SLC4A4: variants seen among roughly 807,000 people sequenced by gnomAD.
SLC4A4 encodes the protein solute carrier family 4 member 4.
A neutral mutation model predicts 111.5 loss-of-function variants in SLC4A4; 27 were observed. The observed-to-expected ratio is 0.24, with a 90% CI of 0.18 to 0.33. The LOEUF is 0.33. Ranked by LOEUF, SLC4A4 falls within the 10% of genes least tolerant of loss-of-function variation. The probability of loss-of-function intolerance (pLI) is 1.00; values close to 1 mark genes in which losing one functional copy is unlikely to be tolerated. For missense variants in SLC4A4, 909 were observed against 1,315.5 expected, an observed-to-expected ratio of 0.69 and a Z score of 4.78; for synonymous variants, 443 against 463.4, an observed-to-expected ratio of 0.96 and a Z score of 0.57.
chr4:71,361,341 T>C (rs1578919295), intron 6 of SLC4A4, among the ~76,000 whole-genome samples: 1 of 152,150 alleles, frequency 6.6e-6, no homozygotes. Context: ...TGGCTTGGGG[T>C]TCAAGACGAT....
At chr4:71,280,988 C>A (rs1202423805) in intron 3 of SLC4A4, among the ~76,000 whole-genome samples, 1 of 152,000 alleles carries the variant, frequency 6.6e-6, no homozygotes, top group Admixed American at 6.6e-5. Flanking sequence ...AGGAAGTGGT[C>A]ACTGCAAAGA....
At chr4:71,250,252 G>T (rs1437306391) in intron 2 of SLC4A4, among the ~76,000 whole-genome samples, 1 of 152,106 alleles carries the variant, frequency 6.6e-6, no homozygotes, top group Non-Finnish European at 1.5e-5. Context: ...GATAAGCCAG[G>T]GAAGGCAGTA....
intron 1 of SLC4A4, among the ~76,000 whole-genome samples, chr4:71,089,767 C>A (rs1358632501): frequency 6.6e-6 from 1 of 151,938 alleles, no homozygotes; most frequent in Non-Finnish European, 1.5e-5. Context: ...AATTTTGTCT[C>A]AGAGGAGTAC....
chr4:71,108,735 C>A (rs192016746), intron 2 of SLC4A4, among the ~76,000 whole-genome samples: 1 of 152,056 alleles, frequency 6.6e-6, no homozygotes, highest in African/African-American at 2.4e-5. Context: ...CTTCCAACCC[C>A]TTTCTCTCTC....
Position 71,103,307 on chromosome 4 carries a change from C to T in SLC4A4, c.-2+10515C>T, listed in dbSNP as rs1035174571. 1.9e-3 allele frequency among the ~76,000 whole-genome samples: 288 copies of T among 152,102 alleles called. 2 individuals carry two copies. Among genetic ancestry groups the T allele is most frequent in the African/African-American group, 6.4e-3 (266 of 41,486 alleles). ...TGACCTACAAAGAGACTTAGACTCC[C>T]GCACATTAATAATGGGAGACTTTAA... On this transcript the variant is annotated intron_variant, in intron 2 of 26. Coordinates refer to the SLC4A4 transcript ENST00000649996.
At chr4:71,159,625 A>G (rs1744567454) in intron 2 of SLC4A4, among the ~76,000 whole-genome samples, 1 of 152,330 alleles carries the variant, frequency 6.6e-6, no homozygotes, top group East Asian at 1.9e-4. Context: ...TGGCTTCCCA[A>G]AGTGCTGGGA....
chr4:71,185,349 C>T (rs928390240), upstream of SLC4A4, among the ~76,000 whole-genome samples: 3 of 152,226 alleles, frequency 2.0e-5, no homozygotes, highest in African/African-American at 7.2e-5. Context: ...GTTGCTGATT[C>T]TTGCTAACTG....
At chr4:71,292,947 T>C (rs143316696) in intron 3 of SLC4A4, among the ~76,000 whole-genome samples, 2,692 of 149,984 alleles carry the variant, frequency 0.018, 82 homozygotes, top group African/African-American at 0.061. Context: ...GTTCAAGTGA[T>C]TCTCCTGCCT....
At chr4:71,166,037 A>C (rs959705655) in intron 2 of SLC4A4, among the ~76,000 whole-genome samples, 2 of 152,210 alleles carry the variant, frequency 1.3e-5, no homozygotes, top group African/African-American at 4.8e-5. Context: ...TTTTGTCCAT[A>C]AAAAGAAAAA....
intron 16 of SLC4A4, among the ~76,000 whole-genome samples, chr4:71,505,020 G>A (rs2149164287): frequency 6.6e-6 from 1 of 152,226 alleles, no homozygotes; most frequent in East Asian, 1.9e-4. Flanking sequence ...AGGGATAAAT[G>A]GCCCCTAGCT....
chr4:71,208,437 A>ATATAT (rs1399473250), intron 1 of SLC4A4, among the ~76,000 whole-genome samples: 21 of 130,676 alleles, frequency 1.6e-4, no homozygotes, highest in Non-Finnish European at 2.3e-4. Flanking sequence ...TCTCAAAAAA[A>ATATAT]AAAAAAATAT....
intron 3 of SLC4A4, among the ~76,000 whole-genome samples, chr4:71,307,343 G>A (rs1276981438): frequency 6.6e-6 from 1 of 152,142 alleles, no homozygotes; most frequent in African/African-American, 2.4e-5. Flanking sequence ...CTCAGACCTG[G>A]TAATCTGTGT....
In SLC4A4 at chr4:71,560,074, T is replaced by A. The variant is rs1736831840; in HGVS notation, c.2938-19T>A. 1 of 1,592,336 alleles carries A rather than the reference T, an allele frequency of 6.3e-7. No individual in the cohort carries two copies. Among genetic ancestry groups the A allele is most frequent in the Admixed American group, 1.7e-5 (1 of 59,792 alleles). ...ATCTGACATGGTTTCTTTCATACTT[T>A]TAATATTTGCTCTTTCAGATCTTGG... On this transcript the variant is annotated intron_variant, in intron 22 of 25. Transcript: ENST00000264485.
intron 6 of SLC4A4, among the ~76,000 whole-genome samples, chr4:71,374,421 T>C (rs909317685): frequency 1.3e-5 from 2 of 152,216 alleles, no homozygotes; most frequent in Admixed American, 6.5e-5. Context: ...AGCAACCTGA[T>C]GTCTATGTTC....
At chr4:71,223,399 G>A (rs1456184253) in intron 1 of SLC4A4, among the ~76,000 whole-genome samples, 2 of 151,822 alleles carry the variant, frequency 1.3e-5, no homozygotes, top group Non-Finnish European at 2.9e-5. Context: ...TCCTGACCTC[G>A]TGATCTGCCT....
At position 71,546,498 on chromosome 4, in the gene SLC4A4, C is replaced by G; in HGVS notation, c.2591C>G (p.Pro864Arg). The change falls in exon 19 of 26, where the codon CCT (proline) becomes CGT (arginine). Residue 864 changes from proline to arginine, a missense_variant. Transcript: ENST00000264485. ...AAGATGGAGACAGAGACTTCTGCAC[C>G]TGGAGAACAACCAAAGTTTCTAGGA... Reference protein sequence around the residue: ...SLKMETETSAPGEQPKFLGVR... With the variant: ...SLKMETETSARGEQPKFLGVR... 1 of 1,612,488 alleles carries G rather than the reference C, an allele frequency of 6.2e-7. No individual in the cohort carries two copies. Among genetic ancestry groups the G allele is most frequent in the Non-Finnish European group, 8.5e-7 (1 of 1,178,996 alleles).
intron 13 of SLC4A4, 124 bp downstream of exon 13, chr4:71,466,701 G>C: frequency 9.9e-7 from 1 of 1,014,978 alleles, no homozygotes; most frequent in Non-Finnish European, 1.5e-6. Flanking sequence ...GGAATGTTCA[G>C]ATGTGAGAGG....
At chr4:71,402,073 A>G (rs1720415133) in intron 7 of SLC4A4, among the ~76,000 whole-genome samples, 1 of 152,184 alleles carries the variant, frequency 6.6e-6, no homozygotes, top group Non-Finnish European at 1.5e-5. Context: ...ATTATGTTTA[A>G]ATATATTTTG....
At position 71,187,311 on chromosome 4, in the gene SLC4A4, A is replaced by AGGCGGC. The variant is rs949387292; in HGVS notation, c.-79_-74dup. ...GCGGCGGCGGCCGCGGTGGCAGCGAAGGCGGCGGCGGCGGCGGCAGTGGCA... is the reference window on the plus strand; with the variant it reads ...GCGGCGGCGGCCGCGGTGGCAGCGAAGGCGGCGGCGGCGGCGGCGGCGGCAGTGGCA... On this transcript the variant is annotated 5_prime_UTR_variant, in exon 1 of 26. Coordinates refer to ENST00000264485, the MANE Select transcript of SLC4A4 (RefSeq NM_001098484.3). The AGGCGGC allele has an allele frequency of 6.5e-6, 1 of 154,304 alleles. No homozygotes were observed. The highest frequency in any genetic ancestry group is 1.9e-4 in the East Asian group (1 of 5,280). 9.6% of individuals were successfully genotyped at this position (154,304 alleles called of 1,614,324 possible).
Sources: gnomAD v4.1 joint callset for allele counts (sites outside exome capture counted in the v4.1 genomes callset) on GRCh38, gnomAD v4.1.1 for gene constraint, MANE v1.5 for transcripts, NCBI Gene and HGNC (gene_info 2026-07-23, HGNC 2026-07-21) for gene names.